Variants in ACER3 observed in about 807,000 individuals in gnomAD.
The protein encoded by ACER3 is alkaline ceramidase 3.
ACER3 carries 16 observed loss-of-function variants against 48.9 expected under a neutral mutation model. The observed-to-expected ratio is 0.33, with a 90% confidence interval of 0.22 to 0.50. ACER3 has a LOEUF of 0.50. Among genes scored for constraint, ACER3 ranks in the 20% least tolerant of loss-of-function variants. The probability of loss-of-function intolerance (pLI) is 0.98; values close to 1 mark genes in which losing one functional copy is unlikely to be tolerated. For synonymous variants in ACER3, 109 were observed against 107.8 expected, an observed-to-expected ratio of 1.01 and a Z score of -0.07; for missense variants, 227 against 326.0, an observed-to-expected ratio of 0.70 and a Z score of 2.34.
At chr11:76,883,763 T>C (rs749768979) in intron 1 of ACER3, among the ~76,000 whole-genome samples, 1 of 152,148 alleles carries the variant, frequency 6.6e-6, no homozygotes, top group African/African-American at 2.4e-5. Flanking sequence ...CTTTTTAACT[T>C]GTTTAGCAAT....
chr11:76,964,780 C>G (rs1351334206), intron 3 of ACER3, among the ~76,000 whole-genome samples: 2 of 151,308 alleles, frequency 1.3e-5, no homozygotes, highest in African/African-American at 2.5e-5. Flanking sequence ...AACTAACAAA[C>G]AGAAAGGACA....
At chr11:76,912,273 A>T (rs1433665912) in intron 1 of ACER3, among the ~76,000 whole-genome samples, 1 of 152,142 alleles carries the variant, frequency 6.6e-6, no homozygotes, top group East Asian at 1.9e-4. Context: ...AAGCTGAGAG[A>T]GAAGCATGAC....
chr11:76,958,745 G>C, intron 2 of ACER3: 1 of 531,418 alleles, frequency 1.9e-6, no homozygotes, highest in Non-Finnish European at 3.4e-6. Flanking sequence ...AATATTGTTA[G>C]TCTAGTAAGT....
chr11:77,016,303 G>T (rs1949368558), intron 8 of ACER3, among the ~76,000 whole-genome samples: 1 of 152,046 alleles, frequency 6.6e-6, no homozygotes, highest in Admixed American at 6.6e-5. Context: ...AATCTTTTAT[G>T]ATATTAAGGG....
At chr11:76,989,407 A>G (rs1437524189) in intron 5 of ACER3, among the ~76,000 whole-genome samples, 1 of 152,170 alleles carries the variant, frequency 6.6e-6, no homozygotes, top group African/African-American at 2.4e-5. Flanking sequence ...GTAGGGAGAG[A>G]AACAAACCAT....
intron 1 of ACER3, among the ~76,000 whole-genome samples, chr11:76,918,543 G>A (rs992454534): frequency 1.3e-5 from 2 of 151,644 alleles, no homozygotes; most frequent in African/African-American, 4.8e-5. Context: ...TAGTTATGTG[G>A]GGTTTTTTTT....
chr11:76,916,844 T>C (rs1452576819), intron 1 of ACER3, among the ~76,000 whole-genome samples: 1 of 152,180 alleles, frequency 6.6e-6, no homozygotes, highest in Non-Finnish European at 1.5e-5. Context: ...TTCATCATGG[T>C]TATCTGTTTT....
chr11:76,894,254 TGGAGACA>T (rs1945877134), intron 1 of ACER3, among the ~76,000 whole-genome samples: 1 of 152,156 alleles, frequency 6.6e-6, no homozygotes, highest in South Asian at 2.1e-4. Flanking sequence ...ACTCAAGCCT[TGGAGACA>T]GAGCTAGACC....
Position 77,023,107 on chromosome 11 carries a change from C to T in ACER3, c.*2780C>T, listed in dbSNP as rs1949497596. The T allele has an allele frequency of 2.5e-6, 1 of 398,598 alleles. No homozygotes were observed. The allele number at this position is 398,598 out of a possible 1,614,324, so 24.7% of individuals were successfully genotyped here. On this transcript the variant is annotated 3_prime_UTR_variant, in exon 11 of 11. Transcript: ENST00000532485. ...ACCATGGTGTTTCATGAAACATCCC[C>T]ACCACCTGAAGTGATCTTTTTAATC...
intron 1 of ACER3, among the ~76,000 whole-genome samples, chr11:76,900,280 G>T (rs1946046183): frequency 2.0e-5 from 3 of 152,174 alleles, no homozygotes; most frequent in African/African-American, 7.2e-5. Flanking sequence ...AGGAGGGGCT[G>T]GTCCTGTCTC....
chr11:76,969,831 A>T (rs1254694123), intron 3 of ACER3, among the ~76,000 whole-genome samples: 1 of 150,460 alleles, frequency 6.6e-6, no homozygotes, highest in Non-Finnish European at 1.5e-5. Flanking sequence ...GCATTAGGAG[A>T]TATACCTAAT....
chr11:76,906,828 T>G (rs1946245135), intron 1 of ACER3, among the ~76,000 whole-genome samples: 1 of 152,156 alleles, frequency 6.6e-6, no homozygotes, highest in Non-Finnish European at 1.5e-5. Flanking sequence ...CCCAAAGTGT[T>G]GAGATTATAG....
At chr11:76,912,696 A>AT (rs1258335425) in intron 1 of ACER3, among the ~76,000 whole-genome samples, 2 of 132,064 alleles carry the variant, frequency 1.5e-5, no homozygotes, top group African/African-American at 4.9e-5. Flanking sequence ...CAGAAAAAAA[A>AT]TTTTTTCTCT....
At chr11:76,883,262 T>C (rs982003474) in intron 1 of ACER3, among the ~76,000 whole-genome samples, 3 of 152,158 alleles carry the variant, frequency 2.0e-5, no homozygotes, top group African/African-American at 4.8e-5. Context: ...TAGGGCCTTA[T>C]TTTGTCATTG....
At chr11:76,940,091 A>T (rs1396012066) in intron 2 of ACER3, among the ~76,000 whole-genome samples, 2 of 152,198 alleles carry the variant, frequency 1.3e-5, no homozygotes, top group Non-Finnish European at 2.9e-5. Flanking sequence ...TCTGCAACTT[A>T]CTTTCAAATA....
intron 1 of ACER3, among the ~76,000 whole-genome samples, chr11:76,871,885 T>A (rs1435631197): frequency 6.6e-6 from 1 of 152,210 alleles, no homozygotes; most frequent in African/African-American, 2.4e-5. Flanking sequence ...TGTGATGGTA[T>A]GTTAGAGTCA....
chr11:76,964,276 G>A (rs1386861665), intron 3 of ACER3, among the ~76,000 whole-genome samples: 2 of 151,426 alleles, frequency 1.3e-5, no homozygotes, highest in Non-Finnish European at 2.9e-5. Context: ...AGGGGCGCCT[G>A]CCATTGCCGA....
intron 1 of ACER3, among the ~76,000 whole-genome samples, chr11:76,895,577 G>A (rs1945907817): frequency 1.3e-5 from 2 of 152,140 alleles, no homozygotes; most frequent in African/African-American, 4.8e-5. Flanking sequence ...CTGTATACAT[G>A]TAGACAAGCT....
At chr11:76,911,740 C>G (rs1194567695) in intron 1 of ACER3, among the ~76,000 whole-genome samples, 1 of 152,178 alleles carries the variant, frequency 6.6e-6, no homozygotes, top group Non-Finnish European at 1.5e-5. Flanking sequence ...ATGGAAGCCT[C>G]AGCTTTAGCT....
Sources: allele counts gnomAD v4.1 joint callset (sites outside exome capture counted in the v4.1 genomes callset), GRCh38; gene constraint gnomAD v4.1.1; transcripts MANE v1.5; gene names NCBI Gene and HGNC (gene_info 2026-07-23, HGNC 2026-07-21).